PHF19: variants seen among roughly 807,000 people sequenced by gnomAD.
PHF19 encodes PHD finger protein 19, also known as polycomb like 3.
PHF19 carries 21 observed loss-of-function variants against 79.8 expected under a neutral mutation model. The ratio of observed to expected loss-of-function variants is 0.26; its 90% CI spans 0.19 to 0.38. PHF19 has a LOEUF of 0.38. Ranked by LOEUF, PHF19 falls within the 10% of genes least tolerant of loss-of-function variation. PHF19 has a pLI of 1.00. For missense variants in PHF19, 445 were observed against 744.2 expected (o/e 0.60, Z 4.68); for synonymous variants, 273 against 296.3 (o/e 0.92, Z 0.81).
chr9:120,897,804 C>A (rs1420235224), upstream of PHF19, among the ~76,000 whole-genome samples: 1 of 151,694 alleles, frequency 6.6e-6, no homozygotes, highest in Non-Finnish European at 1.5e-5. Context: ...CGTGGTGAAA[C>A]CCCATCTCTG....
At chr9:120,859,150 A>G (rs916509323) in intron 14 of PHF19, among the ~76,000 whole-genome samples, 1 of 151,928 alleles carries the variant, frequency 6.6e-6, no homozygotes, top group Non-Finnish European at 1.5e-5. Flanking sequence ...AAGAAAAAAC[A>G]GGCAACAGCA....
At chr9:120,877,659 C>T (rs2046108605), upstream of PHF19, among the ~76,000 whole-genome samples, 1 of 152,352 alleles carries the variant, frequency 6.6e-6, no homozygotes, top group South Asian at 2.1e-4. Flanking sequence ...ACCCTTGGCG[C>T]AGACACAGAC....
rs748585149 is a variant in PHF19, at chr9:120,870,556, G to A, written c.269-18C>T. On this transcript the variant is annotated intron_variant, in intron 3 of 14. Transcript: ENST00000373896. This position sits in a 1 kb window ranked among gnomAD's most constrained non-coding sequence, Gnocchi z 4.4. Reference sequence around the variant, plus strand: ...AACACCGGCTGAAAGAGAGGGCCTCGAGGGTCGGGTCCAGCTCACAGGAAT... The same window carrying A: ...AACACCGGCTGAAAGAGAGGGCCTCAAGGGTCGGGTCCAGCTCACAGGAAT... The A allele has an allele frequency of 4.1e-5, 60 of 1,459,698 alleles. No individual in the cohort carries two copies. In the Middle Eastern group the frequency reaches 3.8e-3, roughly 92 times the overall value. The allele number at this position is 1,459,698 out of a possible 1,614,324, so 90.4% of individuals were successfully genotyped here.
In PHF19 at chr9:120,869,553, A is replaced by G. The variant is rs2045826108; in HGVS notation, c.466-223T>C. The stretch of plus-strand genomic sequence containing the variant: ...CAGAATTAAGAGTAATAAGCGCAAT[A>G]AAGGCAACAATTACCAACATGTATT... On this transcript the variant is annotated intron_variant, in intron 5 of 14. Coordinates refer to ENST00000373896, the MANE Select transcript of PHF19 (RefSeq NM_015651.3). The surrounding 1 kb of genome is among the most constrained non-coding windows in gnomAD (Gnocchi z 5.8). 6.9e-7 allele frequency: 1 copy of G among 1,443,362 alleles called. No individual in the cohort carries two copies. Among genetic ancestry groups the G allele is most frequent in the Non-Finnish European group, 9.1e-7 (1 of 1,098,224 alleles). The allele number at this position is 1,443,362 out of a possible 1,614,324, so 89.4% of individuals were successfully genotyped here.
At position 120,869,462 on chromosome 9, in the gene PHF19, G is replaced by T; in HGVS notation, c.466-132C>A. On this transcript the variant is annotated intron_variant, in intron 5 of 14. Coordinates refer to ENST00000373896, the MANE Select transcript of PHF19 (RefSeq NM_015651.3). The surrounding 1 kb of genome is among the most constrained non-coding windows in gnomAD (Gnocchi z 5.8). ...CAGATATTCCAATATAGTCAGAAAA[G>T]CAAGGAGCTTTTTCTCATTAATTCC... 4.5e-6 allele frequency: 6 copies of T among 1,329,412 alleles called. No homozygotes were observed. The highest frequency in any genetic ancestry group is 6.0e-6 in the Non-Finnish European group (6 of 996,116). The allele number at this position is 1,329,412 out of a possible 1,614,324, so 82.4% of individuals were successfully genotyped here.
rs189116505 is a variant in PHF19 at position 120,860,747 on chromosome 9, G to T, written c.1304+342C>A. 6.6e-6 allele frequency among the ~76,000 whole-genome samples: 1 copy of T among 152,154 alleles called. No individual in the cohort carries two copies. The highest frequency in any genetic ancestry group is 1.5e-5 in the Non-Finnish European group (1 of 68,034). The stretch of plus-strand genomic sequence containing the variant: ...AGGGCGTCCAGCACAGCCTGGGGAG[G>T]GTTAGTAAAGCCTTCCTGGAAGAAG... On this transcript the variant is annotated intron_variant, in intron 13 of 14. Coordinates refer to ENST00000373896, the MANE Select transcript of PHF19 (RefSeq NM_015651.3). This position sits in a 1 kb window ranked among gnomAD's most constrained non-coding sequence, Gnocchi z 4.1.
chr9:120,900,613 C>T, the PHF19 span, among the ~76,000 whole-genome samples: 1 of 152,172 alleles, frequency 6.6e-6, no homozygotes, highest in Non-Finnish European at 1.5e-5. Context: ...GTCACCCAGG[C>T]TGAAGTGCAA....
Position 120,874,802 on chromosome 9 carries a change from A to G in PHF19, c.-15-46T>C, listed in dbSNP as rs2046001176. On this transcript the variant is annotated intron_variant, in intron 1 of 14. Coordinates refer to ENST00000373896, the MANE Select transcript of PHF19 (RefSeq NM_015651.3). The surrounding 1 kb of genome is among the most constrained non-coding windows in gnomAD (Gnocchi z 4.5). ...TTTTTGCTTCTTGCTTCCCTGCTTC[A>G]GAAAGCCCATCAGGGGAAGGAAGGA... 2 of 1,314,044 alleles carry G rather than the reference A, an allele frequency of 1.5e-6. No homozygotes were observed. Among genetic ancestry groups the G allele is most frequent in the Admixed American group, 3.6e-5 (2 of 55,802 alleles). The allele number at this position is 1,314,044 out of a possible 1,614,324, so 81.4% of individuals were successfully genotyped here. A position where few individuals can be genotyped will look rare whatever the true frequency, so the allele number is the denominator to read the frequency against.
chr9:120,884,040 T>C (rs2046228602), intron 1 of PHF19, among the ~76,000 whole-genome samples: 1 of 152,156 alleles, frequency 6.6e-6, no homozygotes, highest in East Asian at 1.9e-4. Flanking sequence ...ATATATGAAG[T>C]CTAGAACAAA....
At chr9:120,864,537 G>T (rs1478924502) in intron 9 of PHF19, among the ~76,000 whole-genome samples, 1 of 152,104 alleles carries the variant, frequency 6.6e-6, no homozygotes, top group East Asian at 1.9e-4. Flanking sequence ...AACCAATGCA[G>T]CCATGAAATT....
chr9:120,869,464 A>T lies in PHF19; in HGVS notation c.466-134T>A, dbSNP rs1405101887. ...GATATTCCAATATAGTCAGAAAAGC[A>T]AGGAGCTTTTTCTCATTAATTCCAA... On this transcript the variant is annotated intron_variant, in intron 5 of 14. Transcript: ENST00000373896. The surrounding 1 kb of genome is among the most constrained non-coding windows in gnomAD (Gnocchi z 5.8). 2 of 1,320,904 alleles carry T rather than the reference A, an allele frequency of 1.5e-6. No homozygotes were observed. The highest frequency in any genetic ancestry group is 2.0e-6 in the Non-Finnish European group (2 of 988,502). The allele number at this position is 1,320,904 out of a possible 1,614,324, so 81.8% of individuals were successfully genotyped here. A position where few individuals can be genotyped will look rare whatever the true frequency, so the allele number is the denominator to read the frequency against.
rs1159426553 is a variant in PHF19 at position 120,856,709 on chromosome 9, T to A, written c.*1235A>T. On this transcript the variant is annotated 3_prime_UTR_variant, in exon 15 of 15. Coordinates refer to ENST00000373896, the MANE Select transcript of PHF19 (RefSeq NM_015651.3). ...GAGGGAACCAAATGATGCAGGCTCT[T>A]TAAAAATTTCAACCTATCCCAAAAA... is the stretch of plus-strand genomic sequence containing the variant. 6.6e-6 allele frequency: 1 copy of A among 152,648 alleles called. No homozygotes were observed. Among genetic ancestry groups the A allele is most frequent in the African/African-American group, 2.4e-5 (1 of 41,454 alleles). 9.5% of individuals were successfully genotyped at this position (152,648 alleles called of 1,614,324 possible).
At chr9:120,881,306 C>T (rs2046180712), upstream of PHF19, among the ~76,000 whole-genome samples, 1 of 151,890 alleles carries the variant, frequency 6.6e-6, no homozygotes, top group Non-Finnish European at 1.5e-5. Flanking sequence ...CACCACCACG[C>T]CCCGCTGATT....
At chr9:120,902,109 C>T in the PHF19 span, among the ~76,000 whole-genome samples, 1 of 152,184 alleles carries the variant, frequency 6.6e-6, no homozygotes, top group African/African-American at 2.4e-5. Context: ...TGCCACGTGC[C>T]CCCGAAAAGC....
In PHF19 at chr9:120,862,928, T is replaced by C; in HGVS notation, c.969-179A>G. 1.6e-6 allele frequency: 1 copy of C among 608,060 alleles called. No homozygotes were observed. The highest frequency in any genetic ancestry group is 2.9e-6 in the Non-Finnish European group (1 of 340,884). The allele number at this position is 608,060 out of a possible 1,614,324, so 37.7% of individuals were successfully genotyped here. A position where few individuals can be genotyped will look rare whatever the true frequency, so the allele number is the denominator to read the frequency against. ...GGGATGCGGGGTTCCAGGTAGCAGC[T>C]GAGAACACGGCTGGTGCCTCCTCCC... On this transcript the variant is annotated intron_variant, in intron 10 of 14. Coordinates refer to ENST00000373896, the MANE Select transcript of PHF19 (RefSeq NM_015651.3). The surrounding 1 kb of genome is among the most constrained non-coding windows in gnomAD (Gnocchi z 4.6).
Position 120,874,569 on chromosome 9 carries a change from C to G in PHF19, c.173G>C (p.Gly58Ala). The change falls in exon 2 of 15, where the codon GGG (glycine) becomes GCG (alanine). Residue 58 changes from glycine (G) to alanine (A), a missense_variant. Around this residue, in one of 5 missense-constraint regions of PHF19, gnomAD observed 167 missense variants for 375.8 expected, o/e 0.44. Transcript: ENST00000373896. The surrounding 1 kb of genome is among the most constrained non-coding windows in gnomAD (Gnocchi z 4.5). ...CRWTDGLYYL[G>A]KIKRVSSSKQ... ...GGATGGGTTTACCCTCTTGATCTTC[C>G]CGAGGTAGTACAGGCCATCTGTCCA... 1 of 1,609,382 alleles carries G rather than the reference C, an allele frequency of 6.2e-7. No homozygotes were observed. The highest frequency in any genetic ancestry group is 1.1e-5 in the South Asian group (1 of 90,988).
chr9:120,863,072 G>T, intron 10 of PHF19: 1 of 324,580 alleles, frequency 3.1e-6, no homozygotes, highest in Non-Finnish European at 5.9e-6. Flanking sequence ...GAACTCCTAT[G>T]GTCAAGATAC....
At chr9:120,877,257 G>C (rs1469941495), upstream of PHF19, 1 of 906,864 alleles carries the variant, frequency 1.1e-6, no homozygotes, top group Admixed American at 6.3e-5. Flanking sequence ...GCGGGGAGGA[G>C]GGGGAGGCGG....
intron 14 of PHF19, among the ~76,000 whole-genome samples, chr9:120,858,811 T>TCACTCACA (rs1554816154): frequency 8.1e-6 from 1 of 122,802 alleles, no homozygotes; most frequent in East Asian, 2.4e-4. Flanking sequence ...CTGACAGACA[T>TCACTCACA]CACACACACA....
Sources: allele counts gnomAD v4.1 joint callset (sites outside exome capture counted in the v4.1 genomes callset), GRCh38; gene constraint gnomAD v4.1.1; regional missense constraint gnomAD v4.1.1; non-coding constraint Gnocchi (gnomAD v3.1); transcripts MANE v1.5; gene names NCBI Gene and HGNC (gene_info 2026-07-23, HGNC 2026-07-21).